Variants in MACC1 observed in about 807,000 individuals in gnomAD.
The protein encoded by MACC1 is metastasis-associated in colon cancer protein 1.
Under a neutral mutation model 70.7 loss-of-function variants are expected in MACC1, and 79 were observed. That is an observed-to-expected ratio of 1.12 (90% CI 0.93 to 1.35). The LOEUF is 1.35. Among genes scored for constraint, MACC1 ranks in the 40% most tolerant of loss-of-function variants. The pLI, the probability that MACC1 is intolerant of heterozygous loss-of-function variation, is 0.00. For synonymous variants in MACC1, 361 were observed against 347.2 expected, an observed-to-expected ratio of 1.04 and a Z score of -0.44; for missense variants, 1,106 against 978.1, an observed-to-expected ratio of 1.13 and a Z score of -1.74.
At chr7:20,141,279 A>G (rs1465753660) in intron 6 of MACC1, 121 bp from the exon 7 acceptor site, 8 of 609,890 alleles carry the variant, frequency 1.3e-5, no homozygotes, top group Non-Finnish European at 1.9e-5. Context: ...CCAATTACAC[A>G]TGGACTTATT....
intron 1 of MACC1, among the ~76,000 whole-genome samples, chr7:20,203,595 A>G (rs1782865494): frequency 6.6e-6 from 1 of 152,200 alleles, no homozygotes; most frequent in Non-Finnish European, 1.5e-5. Context: ...AGGTGAAACA[A>G]TAGCATCCTT....
intron 1 of MACC1, among the ~76,000 whole-genome samples, chr7:20,174,443 T>A (rs1391617624): frequency 6.6e-6 from 1 of 152,188 alleles, no homozygotes; most frequent in African/African-American, 2.4e-5. Flanking sequence ...AAATCAATGT[T>A]ATAAAAATAT....
intron 1 of MACC1, among the ~76,000 whole-genome samples, chr7:20,206,664 T>A (rs1268302242): frequency 6.6e-6 from 1 of 152,190 alleles, no homozygotes; most frequent in Admixed American, 6.5e-5. Context: ...CATCTATTAA[T>A]CTCTAAACCA....
At chr7:20,171,998 G>T (rs1186553229) in intron 1 of MACC1, among the ~76,000 whole-genome samples, 1 of 152,188 alleles carries the variant, frequency 6.6e-6, no homozygotes, top group African/African-American at 2.4e-5. Context: ...ACAAGTGATT[G>T]TAGCCTAGAA....
chr7:20,193,102 A>G (rs1782697167), intron 1 of MACC1, among the ~76,000 whole-genome samples: 1 of 152,236 alleles, frequency 6.6e-6, no homozygotes, highest in South Asian at 2.1e-4. Flanking sequence ...CAATAATATC[A>G]TAAAACTCTT....
chr7:20,194,908 A>G (rs1465273899), intron 1 of MACC1, among the ~76,000 whole-genome samples: 1 of 152,190 alleles, frequency 6.6e-6, no homozygotes, highest in African/African-American at 2.4e-5. Flanking sequence ...GCTTAACACT[A>G]CTTCCTTGAA....
intron 1 of MACC1, among the ~76,000 whole-genome samples, chr7:20,184,572 G>A (rs550194158): frequency 1.2e-4 from 18 of 152,234 alleles, no homozygotes; most frequent in Admixed American, 4.6e-4. Context: ...TAAATTTCTT[G>A]CATTTATATC....
At chr7:20,182,446 C>A (rs1466929726) in intron 1 of MACC1, among the ~76,000 whole-genome samples, 1 of 152,132 alleles carries the variant, frequency 6.6e-6, no homozygotes, top group Non-Finnish European at 1.5e-5. Flanking sequence ...ACTCCAGTCC[C>A]ATGAATGCCT....
chr7:20,209,732 G>A (rs754743850), intron 1 of MACC1, among the ~76,000 whole-genome samples: 1 of 152,190 alleles, frequency 6.6e-6, no homozygotes, highest in Non-Finnish European at 1.5e-5. Context: ...GAGAACATGA[G>A]ATTTGGGGCA....
chr7:20,194,625 G>T (rs1562599145), intron 1 of MACC1, among the ~76,000 whole-genome samples: 1 of 152,124 alleles, frequency 6.6e-6, no homozygotes, highest in Non-Finnish European at 1.5e-5. Context: ...TCCATCTCAG[G>T]AATTTTACAT....
At chr7:20,189,674 C>G (rs1782642782) in intron 1 of MACC1, among the ~76,000 whole-genome samples, 2 of 151,734 alleles carry the variant, frequency 1.3e-5, no homozygotes, top group Non-Finnish European at 2.9e-5. Context: ...TCTCTTAGTT[C>G]TAGGCCAGCG....
chr7:20,165,613 C>T (rs1489140907), intron 2 of MACC1, among the ~76,000 whole-genome samples: 3 of 152,022 alleles, frequency 2.0e-5, no homozygotes, highest in African/African-American at 7.2e-5. Context: ...AGGTGCAAAT[C>T]ACATTAGCCA....
intron 1 of MACC1, among the ~76,000 whole-genome samples, chr7:20,171,807 C>G (rs1352221250): frequency 6.6e-6 from 1 of 152,128 alleles, no homozygotes; most frequent in African/African-American, 2.4e-5. Flanking sequence ...GTCTCGAACT[C>G]CCTACCTCAG....
chr7:20,167,664 C>G (rs3114435), intron 2 of MACC1, among the ~76,000 whole-genome samples: 44,265 of 150,964 alleles, frequency 0.29, 7,556 homozygotes, highest in East Asian at 0.83. Flanking sequence ...GTTAAAACTT[C>G]TCTTCCAGAG....
At position 20,138,179 on chromosome 7, in the gene MACC1, A is replaced by AAC. The variant is rs1372551369; in HGVS notation, c.*2766_*2767insGT. 7.2e-5 allele frequency: 10 copies of AAC among 139,362 alleles called. No individual in the cohort carries two copies. The highest frequency in any genetic ancestry group is 2.8e-4 in the African/African-American group (10 of 36,200). 8.6% of individuals were successfully genotyped at this position (139,362 alleles called of 1,614,324 possible). A position where few individuals can be genotyped will look rare whatever the true frequency, so the allele number is the denominator to read the frequency against. On this transcript the variant is annotated 3_prime_UTR_variant, in exon 7 of 7. Transcript: ENST00000400331. ...AAAAAAAAAAAAAAAAAAAAAAAAA[A>AAC]AAATTTCCCCTGGAAGGATTTGTTA... is the stretch of plus-strand genomic sequence containing the variant.
chr7:20,151,090 G>A (rs540197956), intron 6 of MACC1, among the ~76,000 whole-genome samples: 16 of 151,428 alleles, frequency 1.1e-4, no homozygotes, highest in South Asian at 4.2e-4. Flanking sequence ...TGAAACTTTA[G>A]TGTCCTTGGT....
At chr7:20,149,460 T>C (rs1309052766) in intron 6 of MACC1, among the ~76,000 whole-genome samples, 1 of 152,198 alleles carries the variant, frequency 6.6e-6, no homozygotes, top group Non-Finnish European at 1.5e-5. Flanking sequence ...AAACATCCAG[T>C]GAGTAAGATA....
intron 2 of MACC1, among the ~76,000 whole-genome samples, chr7:20,168,251 T>C (rs1017661993): frequency 7.3e-6 from 1 of 137,168 alleles, no homozygotes; most frequent in African/African-American, 2.7e-5. Context: ...TAAGTGTATA[T>C]TATTCTTCAG....
intron 1 of MACC1, among the ~76,000 whole-genome samples, chr7:20,201,956 G>A (rs1782840091): frequency 6.6e-6 from 1 of 152,080 alleles, no homozygotes; most frequent in East Asian, 1.9e-4. Context: ...TTTTTCAACT[G>A]GCCCCTGTAT....
Sources: gnomAD v4.1 joint callset for allele counts (sites outside exome capture counted in the v4.1 genomes callset) on GRCh38, gnomAD v4.1.1 for gene constraint, MANE v1.5 for transcripts, NCBI Gene and HGNC (gene_info 2026-07-23, HGNC 2026-07-21) for gene names.